NETO1: variants seen among roughly 807,000 people sequenced by gnomAD.
NETO1 encodes the protein neuropilin and tolloid-like protein 1.
NETO1 carries 26 observed loss-of-function variants against 61.3 expected under a neutral mutation model. The observed-to-expected ratio is 0.42, with a 90% confidence interval of 0.31 to 0.59. The LOEUF is 0.59. NETO1 is among the 20% of genes least tolerant of loss of function. NETO1 has a pLI of 0.12. For synonymous variants in NETO1, 225 were observed against 225.8 expected, an observed-to-expected ratio of 1.00 and a Z score of 0.03; for missense variants, 531 against 662.8, an observed-to-expected ratio of 0.80 and a Z score of 2.18.
chr18:72,819,158 CTT>C (rs924998670), intron 4 of NETO1, among the ~76,000 whole-genome samples: 2 of 152,206 alleles, frequency 1.3e-5, no homozygotes, highest in East Asian at 1.9e-4. Context: ...CTGTTTATCT[CTT>C]TCTCTCTCCC....
chr18:72,765,020 T>C (rs1410060579), intron 7 of NETO1, among the ~76,000 whole-genome samples: 1 of 152,192 alleles, frequency 6.6e-6, no homozygotes, highest in African/African-American at 2.4e-5. Context: ...CATGGGGACC[T>C]TGGCCATCTG....
chr18:72,799,244 T>A lies in NETO1; in HGVS notation c.470-4840A>T, dbSNP rs7228947. Among the ~76,000 whole-genome samples, 1,245 of 152,322 alleles carry A rather than the reference T, an allele frequency of 8.2e-3. 21 individuals are homozygous for A. The highest frequency in any genetic ancestry group is 0.028 in the African/African-American group (1,175 of 41,568). On this transcript the variant is annotated intron_variant, in intron 4 of 10. Transcript: ENST00000327305. ...GATGAACTGATGAAATGGCAGAAGA[T>A]ACTGATGCACAATTGTTAGGATTAA...
At chr18:72,788,051 T>C (rs1846050072) in intron 6 of NETO1, among the ~76,000 whole-genome samples, 1 of 152,192 alleles carries the variant, frequency 6.6e-6, no homozygotes, top group African/African-American at 2.4e-5. Context: ...CATAAGAATA[T>C]TGCTATAGTT....
chr18:72,776,694 A>G (rs890447975), intron 7 of NETO1, among the ~76,000 whole-genome samples: 15 of 152,174 alleles, frequency 9.9e-5, no homozygotes, highest in African/African-American at 2.9e-4. Context: ...GCTCTGCTCC[A>G]TAATGTAATC....
chr18:72,797,479 CT>C (rs1466298793), intron 4 of NETO1, among the ~76,000 whole-genome samples: 1 of 152,110 alleles, frequency 6.6e-6, no homozygotes, highest in Non-Finnish European at 1.5e-5. Context: ...TAAAAACAGC[CT>C]AAATTGAACT....
intron 4 of NETO1, among the ~76,000 whole-genome samples, chr18:72,807,002 CA>C (rs1269106966): frequency 6.6e-6 from 1 of 152,116 alleles, no homozygotes; most frequent in African/African-American, 2.4e-5. Flanking sequence ...ATCATTTGAA[CA>C]AACTTTAAGT....
intron 3 of NETO1, 83 bp from the exon 4 acceptor site, chr18:72,859,157 T>C (rs951449417): frequency 8.3e-6 from 11 of 1,321,868 alleles, no homozygotes; most frequent in Non-Finnish European, 1.1e-5. Context: ...CAGATGTTAT[T>C]TGTACATCTT....
rs764267081 is a variant in NETO1 at position 72,756,119 on chromosome 18, G to C, written c.897C>G (p.Cys299Trp). Reference sequence around the variant, plus strand: ...TATTATTAATACACATGTTACTATGGCAGAAGAATGTGTTGCCTTCACAAG... The same window carrying C: ...TATTATTAATACACATGTTACTATGCCAGAAGAATGTGTTGCCTTCACAAG... ...EPPCEGNTFF[C>W]HSNMCINNTL... Residue 299 changes from cysteine to tryptophan, a missense_variant, in exon 8 of 11, where the codon TGC (cysteine) becomes TGG (tryptophan). Physicochemically the swap from Cys to Trp is radical, Grantham distance 215. Transcript: ENST00000327305. 6.2e-7 allele frequency: 1 copy of C among 1,604,298 alleles called. No homozygotes were observed.
At chr18:72,748,912 A>G (rs2070496214) in intron 10 of NETO1, 102 bp downstream of exon 10, 1 of 776,312 alleles carries the variant, frequency 1.3e-6, no homozygotes, top group Non-Finnish European at 2.3e-6. Flanking sequence ...ACATATCTCA[A>G]GAAATAATGG....
intron 4 of NETO1, among the ~76,000 whole-genome samples, chr18:72,855,880 T>C (rs1411690661): frequency 6.6e-6 from 1 of 152,200 alleles, no homozygotes; most frequent in African/African-American, 2.4e-5. Flanking sequence ...TTATGAAATA[T>C]GCATGCTATA....
intron 4 of NETO1, among the ~76,000 whole-genome samples, chr18:72,795,669 G>A (rs990948858): frequency 2.6e-5 from 4 of 151,960 alleles, no homozygotes; most frequent in African/African-American, 7.3e-5. Context: ...GATACGTGAC[G>A]TTTTGATATA....
At chr18:72,818,051 C>CT (rs1733732534) in intron 4 of NETO1, among the ~76,000 whole-genome samples, 1 of 152,014 alleles carries the variant, frequency 6.6e-6, no homozygotes, top group Non-Finnish European at 1.5e-5. Context: ...AATCATCCAT[C>CT]TTTTTTTTCT....
At chr18:72,815,692 C>T (rs2073010476) in intron 4 of NETO1, among the ~76,000 whole-genome samples, 1 of 152,102 alleles carries the variant, frequency 6.6e-6, no homozygotes, top group Non-Finnish European at 1.5e-5. Context: ...AACTCCTGTC[C>T]GCTGCTGACA....
intron 3 of NETO1, among the ~76,000 whole-genome samples, chr18:72,859,919 C>T (rs370818157): frequency 4.3e-4 from 20 of 46,216 alleles, no homozygotes; most frequent in Admixed American, 1.0e-3. Context: ...TATTTGTCAT[C>T]GAAAATTTCC....
chr18:72,867,597 G>C lies in NETO1; in HGVS notation c.-306C>G, dbSNP rs1260074278. On this transcript the variant is annotated 5_prime_UTR_variant, in exon 1 of 11. Coordinates refer to ENST00000327305, the MANE Select transcript of NETO1 (RefSeq NM_138966.5). The stretch of plus-strand genomic sequence containing the variant: ...ACCCGGGCGCCGGCCGCCACCATCC[G>C]CGCCGCCGCCGTCAGGACCCTCCTC... 1 of 258,682 alleles carries C rather than the reference G, an allele frequency of 3.9e-6. No homozygotes were observed. The allele number at this position is 258,682 out of a possible 1,614,324, so 16.0% of individuals were successfully genotyped here.
chr18:72,837,444 T>C (rs531011097), intron 4 of NETO1, among the ~76,000 whole-genome samples: 13 of 152,324 alleles, frequency 8.5e-5, no homozygotes, highest in Admixed American at 7.2e-4. Context: ...TGACAATATC[T>C]GTGACTAAAC....
At chr18:72,837,177 T>G (rs2073777410) in intron 4 of NETO1, among the ~76,000 whole-genome samples, 1 of 152,114 alleles carries the variant, frequency 6.6e-6, no homozygotes, top group Non-Finnish European at 1.5e-5. Context: ...GGAAAAAACT[T>G]GTGCTTGGGG....
At chr18:72,852,837 T>TC (rs1599160977) in intron 4 of NETO1, among the ~76,000 whole-genome samples, 1 of 148,768 alleles carries the variant, frequency 6.7e-6, no homozygotes, top group South Asian at 2.1e-4. Context: ...CTTTTTCTTT[T>TC]TTTTTTTTTT....
intron 4 of NETO1, chr18:72,835,098 T>C: frequency 1.8e-6 from 2 of 1,137,858 alleles, no homozygotes; most frequent in Non-Finnish European, 2.2e-6. Flanking sequence ...AGGTAGGAGT[T>C]CTAATTTACT....
Sources: allele counts gnomAD v4.1 joint callset (sites outside exome capture counted in the v4.1 genomes callset), GRCh38; gene constraint gnomAD v4.1.1; transcripts MANE v1.5; gene names NCBI Gene and HGNC (gene_info 2026-07-23, HGNC 2026-07-21).